Variants in CLIC5 observed in about 807,000 individuals in gnomAD.
The protein encoded by CLIC5 is chloride intracellular channel protein 5.
Under a neutral mutation model 24.7 loss-of-function variants are expected in CLIC5, and 20 were observed. The observed-to-expected ratio is 0.81, with a 90% CI of 0.57 to 1.18. The LOEUF (loss-of-function observed/expected upper bound fraction) is 1.18. Among genes scored for constraint, CLIC5 ranks in the 50% most tolerant of loss-of-function variants. CLIC5 has a pLI of 0.00. For missense variants in CLIC5, 341 were observed against 326.1 expected, an observed-to-expected ratio of 1.05 and a Z score of -0.35; for synonymous variants, 159 against 135.6, an observed-to-expected ratio of 1.17 and a Z score of -1.20.
chr6:46,060,080 AC>A (rs1762207515), intron 1 of CLIC5, among the ~76,000 whole-genome samples: 1 of 152,200 alleles, frequency 6.6e-6, no homozygotes, highest in Non-Finnish European at 1.5e-5. Flanking sequence ...AAATTAAAAA[AC>A]AAGAGGAGAA....
the CLIC5 span, among the ~76,000 whole-genome samples, chr6:46,090,146 T>A: frequency 6.6e-6 from 1 of 152,170 alleles, no homozygotes; most frequent in Non-Finnish European, 1.5e-5. Flanking sequence ...AAATACCAGA[T>A]GTCTATAATT....
chr6:46,094,245 T>C, the CLIC5 span, among the ~76,000 whole-genome samples: 13 of 152,182 alleles, frequency 8.5e-5, no homozygotes, highest in Admixed American at 6.5e-5. Flanking sequence ...CCAAACCATA[T>C]AATTCAGTCC....
chr6:46,111,455 T>C, the CLIC5 span, among the ~76,000 whole-genome samples: 28 of 152,354 alleles, frequency 1.8e-4, no homozygotes, highest in African/African-American at 6.3e-4. Context: ...TTACTAAAGA[T>C]GTTTGCCATA....
chr6:45,937,802 T>C (rs1268515438), intron 4 of CLIC5, among the ~76,000 whole-genome samples: 2 of 152,204 alleles, frequency 1.3e-5, no homozygotes, highest in Admixed American at 6.5e-5. Flanking sequence ...GGGGTCTCGG[T>C]TGTGGTAGCT....
At chr6:46,011,025 C>T (rs1282766462) in intron 1 of CLIC5, among the ~76,000 whole-genome samples, 1 of 152,160 alleles carries the variant, frequency 6.6e-6, no homozygotes, top group East Asian at 1.9e-4. Context: ...CACCACGAGT[C>T]ACCACAACTT....
At chr6:46,034,372 G>A (rs760504421) in intron 1 of CLIC5, among the ~76,000 whole-genome samples, 1 of 152,182 alleles carries the variant, frequency 6.6e-6, no homozygotes, top group Non-Finnish European at 1.5e-5. Flanking sequence ...CCCACCATTC[G>A]GGTATCCCTG....
At chr6:45,954,862 AC>A (rs930797493) in intron 2 of CLIC5, among the ~76,000 whole-genome samples, 2 of 152,216 alleles carry the variant, frequency 1.3e-5, no homozygotes, top group Non-Finnish European at 2.9e-5. Flanking sequence ...CCATATGTGC[AC>A]CAGAAACTTA....
chr6:46,071,429 G>T (rs905244552), intron 1 of CLIC5, among the ~76,000 whole-genome samples: 1 of 151,802 alleles, frequency 6.6e-6, no homozygotes, highest in African/African-American at 2.4e-5. Flanking sequence ...AGTGGGCAAA[G>T]GACATGAATA....
chr6:45,938,346 T>G (rs981999555), intron 4 of CLIC5, among the ~76,000 whole-genome samples: 2 of 152,160 alleles, frequency 1.3e-5, no homozygotes, highest in Non-Finnish European at 2.9e-5. Context: ...TCTGGCTTGC[T>G]AAGCCTAAGA....
chr6:45,961,431 GTC>G (rs1484881630), intron 1 of CLIC5, among the ~76,000 whole-genome samples: 2 of 152,186 alleles, frequency 1.3e-5, no homozygotes, highest in Non-Finnish European at 2.9e-5. Context: ...GCAGAATCAG[GTC>G]TCTCTAACTC....
At chr6:46,059,940 G>A (rs1249381520) in intron 1 of CLIC5, among the ~76,000 whole-genome samples, 1 of 152,182 alleles carries the variant, frequency 6.6e-6, no homozygotes, top group Non-Finnish European at 1.5e-5. Context: ...TAGTTTCATA[G>A]TTTGAAGTCT....
chr6:45,945,769 A>C (rs994435734), intron 3 of CLIC5, among the ~76,000 whole-genome samples: 1 of 152,174 alleles, frequency 6.6e-6, no homozygotes, highest in African/African-American at 2.4e-5. Flanking sequence ...CCAGAGGGTC[A>C]GAACTTTCTT....
chr6:45,917,926 C>T (rs1561930715), intron 4 of CLIC5, among the ~76,000 whole-genome samples: 2 of 152,226 alleles, frequency 1.3e-5, no homozygotes, highest in Non-Finnish European at 2.9e-5. Context: ...CACATAATTA[C>T]TCTGAGTAGT....
At chr6:46,031,136 C>G (rs905255601) in intron 1 of CLIC5, among the ~76,000 whole-genome samples, 1 of 152,280 alleles carries the variant, frequency 6.6e-6, no homozygotes, top group Middle Eastern at 3.4e-3. Context: ...TTATTCCCAT[C>G]ACTGTGTTTT....
chr6:46,048,762 C>A (rs566616717), intron 1 of CLIC5, among the ~76,000 whole-genome samples: 9 of 152,214 alleles, frequency 5.9e-5, no homozygotes, highest in African/African-American at 2.2e-4. Context: ...GTTGGCAATG[C>A]CATCAGGTGC....
chr6:45,933,863 G>A (rs1275138344), intron 4 of CLIC5, among the ~76,000 whole-genome samples: 1 of 152,216 alleles, frequency 6.6e-6, no homozygotes, highest in Admixed American at 6.5e-5. Flanking sequence ...CAGGTGAAGA[G>A]AGAACACAGG....
chr6:46,119,768 G>A, the CLIC5 span, among the ~76,000 whole-genome samples: 13 of 152,334 alleles, frequency 8.5e-5, no homozygotes, highest in East Asian at 9.6e-4. Flanking sequence ...CTTAGCAAAC[G>A]GCACAAGAGG....
intron 4 of CLIC5, among the ~76,000 whole-genome samples, chr6:45,922,512 C>T (rs1033427144): frequency 2.0e-5 from 3 of 152,124 alleles, no homozygotes; most frequent in African/African-American, 2.4e-5. Context: ...AGTACAACAA[C>T]AAAATGCATA....
chr6:46,071,648 G>A (rs1410338471), intron 1 of CLIC5, among the ~76,000 whole-genome samples: 2 of 152,186 alleles, frequency 1.3e-5, no homozygotes, highest in Non-Finnish European at 2.9e-5. Flanking sequence ...GTGTAAGTTA[G>A]TTCAGCCTTT....
Sources: gnomAD v4.1 joint callset for allele counts (sites outside exome capture counted in the v4.1 genomes callset) on GRCh38, gnomAD v4.1.1 for gene constraint, MANE v1.5 for transcripts, NCBI Gene and HGNC (gene_info 2026-07-23, HGNC 2026-07-21) for gene names.